Variants in SPOPL observed in about 807,000 individuals in gnomAD.
SPOPL encodes the protein speckle-type POZ protein-like.
A neutral mutation model predicts 53.8 loss-of-function variants in SPOPL; 23 were observed. The observed-to-expected ratio is 0.43, with a 90% confidence interval of 0.31 to 0.61. The LOEUF (loss-of-function observed/expected upper bound fraction) is 0.61. Ranked by LOEUF, SPOPL falls within the 20% of genes least tolerant of loss-of-function variation. The pLI, the probability that SPOPL is intolerant of heterozygous loss-of-function variation, is 0.12. For missense variants in SPOPL, 442 were observed against 466.9 expected, an observed-to-expected ratio of 0.95 and a Z score of 0.49; for synonymous variants, 164 against 149.7, an observed-to-expected ratio of 1.10 and a Z score of -0.70.
intron 1 of SPOPL, among the ~76,000 whole-genome samples, chr2:138,519,057 C>T (rs1410566700): frequency 2.6e-5 from 4 of 152,128 alleles, no homozygotes; most frequent in Non-Finnish European, 5.9e-5. Flanking sequence ...ATATTATAGA[C>T]AAGAAAACTG....
chr2:138,532,552 G>A (rs1369940992), intron 1 of SPOPL, among the ~76,000 whole-genome samples: 4 of 145,532 alleles, frequency 2.7e-5, no homozygotes, highest in African/African-American at 2.5e-5. Flanking sequence ...TCAGCCTCCC[G>A]AGTAGCTGGG....
At chr2:138,512,186 T>C (rs1684338232) in intron 1 of SPOPL, among the ~76,000 whole-genome samples, 1 of 152,214 alleles carries the variant, frequency 6.6e-6, no homozygotes. Context: ...ATTAAATCAT[T>C]AAAATATTGA....
intron 8 of SPOPL, among the ~76,000 whole-genome samples, chr2:138,563,743 A>G (rs1685601196): frequency 6.6e-6 from 1 of 152,236 alleles, no homozygotes; most frequent in Non-Finnish European, 1.5e-5. Context: ...ATAAACTTAC[A>G]CTGTGATCCA....
At chr2:138,558,118 T>C (rs766500843) in intron 5 of SPOPL, among the ~76,000 whole-genome samples, 2 of 152,092 alleles carry the variant, frequency 1.3e-5, no homozygotes, top group African/African-American at 2.4e-5. Context: ...CCGAGATCAC[T>C]CCACTGCACT....
At chr2:138,530,002 A>G (rs2104872615) in intron 1 of SPOPL, among the ~76,000 whole-genome samples, 1 of 151,904 alleles carries the variant, frequency 6.6e-6, no homozygotes, top group Non-Finnish European at 1.5e-5. Flanking sequence ...GCCCCTGTGT[A>G]TGTTGTTTCC....
intron 1 of SPOPL, among the ~76,000 whole-genome samples, chr2:138,529,003 G>A (rs1159987733): frequency 6.6e-6 from 1 of 152,112 alleles, no homozygotes; most frequent in Non-Finnish European, 1.5e-5. Flanking sequence ...TTTTTAAATT[G>A]CCTCTCTTCA....
intron 1 of SPOPL, among the ~76,000 whole-genome samples, chr2:138,527,323 T>G (rs982678065): frequency 3.9e-5 from 6 of 152,196 alleles, no homozygotes; most frequent in South Asian, 4.1e-4. Flanking sequence ...TAGTCTTACC[T>G]TCTTTAAGAT....
intron 1 of SPOPL, among the ~76,000 whole-genome samples, chr2:138,513,220 C>G (rs1272639428): frequency 6.6e-6 from 1 of 152,220 alleles, no homozygotes; most frequent in Non-Finnish European, 1.5e-5. Flanking sequence ...GAGTTCTAGA[C>G]TAGCCTGGAC....
In SPOPL at chr2:138,562,468, A is replaced by G. The variant is rs146962908; in HGVS notation, c.837+1541A>G. Among the ~76,000 whole-genome samples the G allele has an allele frequency of 5.9e-5, 9 of 152,234 alleles. No homozygotes were observed. In the East Asian group the frequency reaches 1.4e-3, roughly 23 times the overall value. On this transcript the variant is annotated intron_variant, in intron 8 of 10. Transcript: ENST00000280098. ...GGTGCAGGAGCAGTTGAATACCTACATGTGCACCTCAAACCATGTATACAA... is the reference window on the plus strand; with the variant it reads ...GGTGCAGGAGCAGTTGAATACCTACGTGTGCACCTCAAACCATGTATACAA...
intron 1 of SPOPL, among the ~76,000 whole-genome samples, chr2:138,521,940 T>C (rs774648351): frequency 1.3e-5 from 2 of 152,186 alleles, no homozygotes; most frequent in Non-Finnish European, 2.9e-5. Flanking sequence ...GATGAGTTTT[T>C]TGTGTGTGTT....
intron 1 of SPOPL, among the ~76,000 whole-genome samples, chr2:138,547,098 T>G (rs1331698790): frequency 6.6e-6 from 1 of 152,136 alleles, no homozygotes; most frequent in Non-Finnish European, 1.5e-5. Flanking sequence ...CCGGAGTAGC[T>G]GGCATTATAG....
chr2:138,563,305 C>T (rs1232672910), intron 8 of SPOPL, among the ~76,000 whole-genome samples: 1 of 152,054 alleles, frequency 6.6e-6, no homozygotes, highest in African/African-American at 2.4e-5. Context: ...TAGTAAGTCC[C>T]CATCTCTACA....
chr2:138,516,083 A>G (rs1236736528), intron 1 of SPOPL, among the ~76,000 whole-genome samples: 1 of 152,242 alleles, frequency 6.6e-6, no homozygotes, highest in Non-Finnish European at 1.5e-5. Context: ...TGTTTAGTGA[A>G]AGCATAACTT....
At chr2:138,549,546 G>A (rs1352656929) in intron 1 of SPOPL, among the ~76,000 whole-genome samples, 1 of 152,080 alleles carries the variant, frequency 6.6e-6, no homozygotes, top group Non-Finnish European at 1.5e-5. Flanking sequence ...CAGCTACCTG[G>A]GAGGAAATTT....
chr2:138,520,714 A>AT (rs1314468756), intron 1 of SPOPL, among the ~76,000 whole-genome samples: 2 of 152,156 alleles, frequency 1.3e-5, no homozygotes, highest in Admixed American at 6.5e-5. Context: ...TGAATGAATG[A>AT]TTTTTTAAAA....
chr2:138,552,729 T>C (rs778215859), intron 5 of SPOPL, 48 bp downstream of exon 5: 6 of 1,576,572 alleles, frequency 3.8e-6, no homozygotes, highest in African/African-American at 2.8e-5. Flanking sequence ...TTTAGTGATA[T>C]GGCAAAAGTA....
At chr2:138,529,534 G>GTGTT (rs1684758000) in intron 1 of SPOPL, among the ~76,000 whole-genome samples, 1 of 143,686 alleles carries the variant, frequency 7.0e-6, no homozygotes, top group East Asian at 2.1e-4. Flanking sequence ...GTGTGTGTGT[G>GTGTT]TTTGCGTGCG....
chr2:138,559,726 C>G (rs1399616307), intron 7 of SPOPL, among the ~76,000 whole-genome samples: 1 of 152,168 alleles, frequency 6.6e-6, no homozygotes, highest in East Asian at 1.9e-4. Context: ...ACATAGATGA[C>G]ATCAGTATTA....
At chr2:138,507,435 C>T (rs1684238620) in intron 1 of SPOPL, among the ~76,000 whole-genome samples, 1 of 152,104 alleles carries the variant, frequency 6.6e-6, no homozygotes, top group African/African-American at 2.4e-5. Context: ...ATTTGTTTTT[C>T]TTGTGTGATT....
Sources: allele counts gnomAD v4.1 joint callset (sites outside exome capture counted in the v4.1 genomes callset), GRCh38; gene constraint gnomAD v4.1.1; transcripts MANE v1.5; gene names NCBI Gene and HGNC (gene_info 2026-07-23, HGNC 2026-07-21).